The following SHISA6 variants were observed in gnomAD, a reference collection of about 807,000 sequenced individuals.
SHISA6 encodes the protein protein shisa-6.
SHISA6 carries 22 observed loss-of-function variants against 47.9 expected under a neutral mutation model. The ratio of observed to expected loss-of-function variants is 0.46; its 90% CI spans 0.33 to 0.66. The LOEUF is 0.66. SHISA6 is among the 30% of genes least tolerant of loss of function. SHISA6 has a pLI of 0.02. For synonymous variants in SHISA6, 388 were observed against 337.8 expected (o/e 1.15, Z -1.63); for missense variants, 680 against 764.6 (o/e 0.89, Z 1.30).
At chr17:11,244,188 A>G (rs561411085) in intron 1 of SHISA6, among the ~76,000 whole-genome samples, 2 of 152,240 alleles carry the variant, frequency 1.3e-5, no homozygotes, top group South Asian at 2.1e-4. Flanking sequence ...TCAGAGCTTT[A>G]TGCAAATATG....
chr17:11,537,755 C>T (rs563800278), intron 3 of SHISA6, among the ~76,000 whole-genome samples: 20 of 152,272 alleles, frequency 1.3e-4, no homozygotes, highest in Non-Finnish European at 2.4e-4. Context: ...AAAAACTGCA[C>T]AAGTACCTCC....
At chr17:11,331,690 T>G (rs1184829018) in intron 2 of SHISA6, among the ~76,000 whole-genome samples, 3 of 152,068 alleles carry the variant, frequency 2.0e-5, no homozygotes, top group Non-Finnish European at 2.9e-5. Context: ...ATTTCTTCTC[T>G]TCTTGTCTAT....
At position 11,347,242 on chromosome 17, in the gene SHISA6, T is replaced by C. The variant is rs140828510; in HGVS notation, c.800-32172T>C. ...AGAAGCCTGAGCCTAGAAGGATATC[T>C]ACATTGACAAGAGGAAAAGAAACAA... On this transcript the variant is annotated intron_variant, in intron 2 of 5. Transcript: ENST00000441885. 3.3e-3 allele frequency among the ~76,000 whole-genome samples: 495 copies of C among 150,622 alleles called. 4 individuals carry two copies. The highest frequency in any genetic ancestry group is 0.01 in the African/African-American group (418 of 41,128).
At chr17:11,462,803 T>C (rs1412221950) in intron 3 of SHISA6, among the ~76,000 whole-genome samples, 1 of 149,930 alleles carries the variant, frequency 6.7e-6, no homozygotes, top group Non-Finnish European at 1.5e-5. Flanking sequence ...AATTTTTGTA[T>C]TTTTAGTGGA....
At chr17:11,358,673 T>TTTC (rs1247443981) in intron 2 of SHISA6, among the ~76,000 whole-genome samples, 1 of 150,988 alleles carries the variant, frequency 6.6e-6, no homozygotes, top group Non-Finnish European at 1.5e-5. Flanking sequence ...TTTCCTTTTT[T>TTTC]TTTTTTTAAA....
At chr17:11,477,431 T>A (rs139931248) in intron 3 of SHISA6, among the ~76,000 whole-genome samples, 4 of 152,306 alleles carry the variant, frequency 2.6e-5, no homozygotes, top group East Asian at 1.9e-4. Context: ...TACTTTTTTT[T>A]ATTATATTTT....
intron 1 of SHISA6, among the ~76,000 whole-genome samples, chr17:11,261,646 T>TCAGTCA (rs1296085585): frequency 6.6e-6 from 1 of 152,268 alleles, no homozygotes; most frequent in Non-Finnish European, 1.5e-5. Flanking sequence ...AGTATGCCTT[T>TCAGTCA]TTTAAATGAC....
At chr17:11,264,795 A>G (rs1908364399) in intron 2 of SHISA6, among the ~76,000 whole-genome samples, 1 of 152,250 alleles carries the variant, frequency 6.6e-6, no homozygotes. Context: ...TTATTACGTC[A>G]GAAACCTAAT....
At chr17:11,524,124 A>G (rs772035966) in intron 3 of SHISA6, among the ~76,000 whole-genome samples, 1 of 152,142 alleles carries the variant, frequency 6.6e-6, no homozygotes, top group South Asian at 2.1e-4. Flanking sequence ...AATAATACAC[A>G]TACTTTTCAG....
At chr17:11,529,753 A>G (rs180924861) in intron 3 of SHISA6, among the ~76,000 whole-genome samples, 2 of 152,350 alleles carry the variant, frequency 1.3e-5, no homozygotes, top group East Asian at 3.9e-4. Context: ...TTTTGGGGGA[A>G]AATGTTATGA....
chr17:11,447,906 G>A (rs111462562), intron 3 of SHISA6, among the ~76,000 whole-genome samples: 2 of 152,186 alleles, frequency 1.3e-5, no homozygotes, highest in African/African-American at 4.8e-5. Flanking sequence ...CCTGCAGACA[G>A]CAGTGGGCAG....
intron 3 of SHISA6, among the ~76,000 whole-genome samples, chr17:11,382,703 G>C (rs1187358849): frequency 6.6e-6 from 1 of 151,890 alleles, no homozygotes; most frequent in Non-Finnish European, 1.5e-5. Context: ...CAGCCTCCTG[G>C]TGGCATCTAG....
intron 3 of SHISA6, among the ~76,000 whole-genome samples, chr17:11,404,839 ACT>A: frequency 6.6e-6 from 1 of 152,074 alleles, no homozygotes. Flanking sequence ...TCATCTGTTG[ACT>A]CTGCTACTAC....
intron 3 of SHISA6, among the ~76,000 whole-genome samples, chr17:11,439,629 C>T (rs974794556): frequency 6.6e-6 from 1 of 152,134 alleles, no homozygotes; most frequent in Non-Finnish European, 1.5e-5. Context: ...ATTCTAAATG[C>T]CATCTACAAG....
At chr17:11,443,581 T>C (rs1915150254) in intron 3 of SHISA6, among the ~76,000 whole-genome samples, 1 of 152,202 alleles carries the variant, frequency 6.6e-6, no homozygotes, top group Admixed American at 6.5e-5. Context: ...TTTTTGTGCG[T>C]CAGTTTCTTT....
chr17:11,522,618 T>C (rs2071640456), intron 3 of SHISA6, among the ~76,000 whole-genome samples: 1 of 152,142 alleles, frequency 6.6e-6, no homozygotes, highest in Non-Finnish European at 1.5e-5. Flanking sequence ...TTATTCTCCA[T>C]GTAGCTATTT....
rs575979326 is a variant in SHISA6, at chr17:11,293,120, C to T, written c.799+29594C>T. Among the ~76,000 whole-genome samples, 20 of 152,192 alleles carry T rather than the reference C, an allele frequency of 1.3e-4. No homozygotes were observed. In the South Asian group the frequency reaches 2.9e-3, roughly 22 times the overall value. On this transcript the variant is annotated intron_variant, in intron 2 of 5. Coordinates refer to ENST00000441885, the MANE Select transcript of SHISA6 (RefSeq NM_207386.4). ...GATTACAGGTGTGAGCCACTGCGCC[C>T]GGCCTCCAGATTGATATTTTTGAAA...
At chr17:11,432,318 G>C (rs1446038377) in intron 3 of SHISA6, among the ~76,000 whole-genome samples, 1 of 152,196 alleles carries the variant, frequency 6.6e-6, no homozygotes, top group African/African-American at 2.4e-5. Context: ...GAATGGGACA[G>C]TTGAATCAAC....
intron 2 of SHISA6, among the ~76,000 whole-genome samples, chr17:11,274,942 A>T (rs1750259660): frequency 6.6e-6 from 1 of 152,102 alleles, no homozygotes; most frequent in Non-Finnish European, 1.5e-5. Flanking sequence ...CTCCTGGAGG[A>T]TGGAAAACGG....
Sources: gnomAD v4.1 joint callset for allele counts (sites outside exome capture counted in the v4.1 genomes callset) on GRCh38, gnomAD v4.1.1 for gene constraint, MANE v1.5 for transcripts, NCBI Gene and HGNC (gene_info 2026-07-23, HGNC 2026-07-21) for gene names.